PRICKLE2: variants seen among roughly 807,000 people sequenced by gnomAD.
PRICKLE2 encodes prickle planar cell polarity protein 2.
PRICKLE2 carries 21 observed loss-of-function variants against 81.4 expected under a neutral mutation model. That is an observed-to-expected ratio of 0.26 (90% CI 0.18 to 0.37). The LOEUF (loss-of-function observed/expected upper bound fraction) is 0.37. PRICKLE2 is among the 10% of genes least tolerant of loss of function. The pLI is 1.00. For synonymous variants in PRICKLE2, 456 were observed against 421.5 expected (o/e 1.08, Z -1.00); for missense variants, 940 against 1,109.0 (o/e 0.85, Z 2.16).
At chr3:64,185,051 G>C (rs931623342) in intron 2 of PRICKLE2, among the ~76,000 whole-genome samples, 1 of 152,142 alleles carries the variant, frequency 6.6e-6, no homozygotes, top group Non-Finnish European at 1.5e-5. Context: ...GAAGAGAAAG[G>C]AGACTATAAT....
At chr3:64,237,553 C>A (rs866449039) in intron 2 of PRICKLE2, among the ~76,000 whole-genome samples, 1 of 152,140 alleles carries the variant, frequency 6.6e-6, no homozygotes, top group Non-Finnish European at 1.5e-5. Context: ...GCCACTCCAC[C>A]TCTCTGCCCT....
chr3:64,179,088 T>G (rs1385995016), intron 2 of PRICKLE2, among the ~76,000 whole-genome samples: 1 of 151,572 alleles, frequency 6.6e-6, no homozygotes, highest in African/African-American at 2.4e-5. Context: ...CTCTGTCTCT[T>G]TCTTTCAGAC....
intron 2 of PRICKLE2, among the ~76,000 whole-genome samples, chr3:64,252,608 C>T (rs950314764): frequency 2.0e-5 from 3 of 152,164 alleles, no homozygotes; most frequent in African/African-American, 7.2e-5. Flanking sequence ...ATGAGCTTTT[C>T]CCCCAGCCCT....
chr3:64,215,671 C>A (rs2078860511), intron 1 of PRICKLE2, among the ~76,000 whole-genome samples: 2 of 152,142 alleles, frequency 1.3e-5, no homozygotes, highest in African/African-American at 4.8e-5. Context: ...TGTGATTCAA[C>A]TACATGACGA....
intron 2 of PRICKLE2, among the ~76,000 whole-genome samples, chr3:64,185,492 G>C (rs183589347): frequency 3.3e-5 from 5 of 152,198 alleles, no homozygotes; most frequent in Non-Finnish European, 5.9e-5. Context: ...TGCCAACTAC[G>C]TGTTAGGCAC....
intron 2 of PRICKLE2, among the ~76,000 whole-genome samples, chr3:64,264,673 C>T (rs568444510): frequency 6.6e-6 from 1 of 152,314 alleles, no homozygotes; most frequent in East Asian, 1.9e-4. Flanking sequence ...AAATATAAAA[C>T]AAAACCAGTG....
At chr3:64,241,505 C>A in intron 2 of PRICKLE2, among the ~76,000 whole-genome samples, 1 of 152,224 alleles carries the variant, frequency 6.6e-6, no homozygotes, top group African/African-American at 2.4e-5. Flanking sequence ...TGCATGCATG[C>A]ATATTTTAAC....
Position 64,225,373 on chromosome 3 carries a change from A to C in PRICKLE2, c.-504T>G, listed in dbSNP as rs889200362. ...GACTAGTCAGCTGCTCACAGAGCTC[A>C]AGCCACTGAACCAGGAAATGTGCTG... is the stretch of plus-strand genomic sequence containing the variant. On this transcript the variant is annotated 5_prime_UTR_variant, in exon 1 of 8. Transcript: ENST00000638394. 1.1e-4 allele frequency: 111 copies of C among 985,186 alleles called. No individual in the cohort carries two copies. Among genetic ancestry groups the C allele is most frequent in the Non-Finnish European group, 1.3e-4 (104 of 829,926 alleles). 61.0% of individuals were successfully genotyped at this position (985,186 alleles called of 1,614,324 possible).
At chr3:64,243,546 T>C (rs1370816804) in intron 2 of PRICKLE2, among the ~76,000 whole-genome samples, 1 of 152,242 alleles carries the variant, frequency 6.6e-6, no homozygotes, top group Non-Finnish European at 1.5e-5. Flanking sequence ...GTATCAGTCA[T>C]ACCTGGGTAG....
intron 7 of PRICKLE2, among the ~76,000 whole-genome samples, chr3:64,141,395 G>C (rs754009199): frequency 5.9e-5 from 9 of 152,210 alleles, no homozygotes; most frequent in Admixed American, 2.0e-4. Context: ...TGTGAGGACT[G>C]AGTGAGTTTA....
chr3:64,128,523 G>A (rs894499855), intron 7 of PRICKLE2, among the ~76,000 whole-genome samples: 7 of 152,112 alleles, frequency 4.6e-5, no homozygotes, highest in East Asian at 1.9e-4. Context: ...CACAGCGGGC[G>A]GATCACAAGG....
At chr3:64,240,511 A>T (rs2107170541) in intron 2 of PRICKLE2, among the ~76,000 whole-genome samples, 1 of 152,280 alleles carries the variant, frequency 6.6e-6, no homozygotes, top group Non-Finnish European at 1.5e-5. Flanking sequence ...GATCCACAGA[A>T]TTCTTTGCTT....
intron 7 of PRICKLE2, among the ~76,000 whole-genome samples, chr3:64,122,805 G>A (rs1013653146): frequency 3.9e-5 from 6 of 152,104 alleles, no homozygotes; most frequent in Non-Finnish European, 8.8e-5. Flanking sequence ...TGTGGTCCCT[G>A]TGCCAACCCA....
At chr3:64,126,827 C>T (rs1332849281) in intron 7 of PRICKLE2, among the ~76,000 whole-genome samples, 1 of 152,092 alleles carries the variant, frequency 6.6e-6, no homozygotes, top group East Asian at 1.9e-4. Context: ...CTGCCCGCCT[C>T]GGCCTCCCAA....
chr3:64,151,150 T>C (rs1444763354), intron 6 of PRICKLE2, among the ~76,000 whole-genome samples: 1 of 152,216 alleles, frequency 6.6e-6, no homozygotes, highest in East Asian at 1.9e-4. Flanking sequence ...AAATATGGAA[T>C]ATTTGTACAG....
At chr3:64,245,556 TG>T (rs1357896918) in intron 2 of PRICKLE2, among the ~76,000 whole-genome samples, 2 of 152,194 alleles carry the variant, frequency 1.3e-5, no homozygotes. Context: ...AGAGGTGACG[TG>T]TGTTGCAACA....
At chr3:64,122,834 C>T (rs969548095) in intron 7 of PRICKLE2, among the ~76,000 whole-genome samples, 6 of 152,142 alleles carry the variant, frequency 3.9e-5, no homozygotes, top group African/African-American at 7.2e-5. Flanking sequence ...AGATGGTGAC[C>T]CAGCTCCCCC....
In PRICKLE2 at chr3:64,099,610, C is replaced by G; in HGVS notation, c.1976G>C (p.Gly659Ala). The G allele has an allele frequency of 1.9e-6, 3 of 1,613,990 alleles. No individual in the cohort carries two copies. Among genetic ancestry groups the G allele is most frequent in the South Asian group, 2.2e-5 (2 of 91,090 alleles). The change falls in exon 8 of 8, where the codon GGC becomes GCC. Residue 659 changes from glycine (G) to alanine (A), a missense_variant. By Grantham distance (60) the Gly-to-Ala change is moderately conservative. Transcript: ENST00000638394. This position sits in a 1 kb window ranked among gnomAD's most constrained non-coding sequence, Gnocchi z 4.3. ...TTCACTCATGGGCTGGATCCTCACG[C>G]CCTCCTGCCCTGGCAGCTTGCTGCC... ...MAGSKLPGQE[G>A]VRIQPMSERT...
At chr3:64,239,185 T>A (rs2079225774) in intron 2 of PRICKLE2, among the ~76,000 whole-genome samples, 1 of 152,028 alleles carries the variant, frequency 6.6e-6, no homozygotes, top group Admixed American at 6.5e-5. Flanking sequence ...AGCCTCTGAC[T>A]CATCCGTCAG....
Sources: gnomAD v4.1 joint callset for allele counts (sites outside exome capture counted in the v4.1 genomes callset) on GRCh38, gnomAD v4.1.1 for gene constraint, Gnocchi (gnomAD v3.1) non-coding constraint, MANE v1.5 for transcripts, NCBI Gene and HGNC (gene_info 2026-07-23, HGNC 2026-07-21) for gene names.